The following NLGN1 variants were observed in gnomAD, a reference collection of about 807,000 sequenced individuals.
NLGN1 encodes the protein neuroligin-1.
In NLGN1, 12 loss-of-function variants were observed where a neutral mutation model predicts 65.5. That is an observed-to-expected ratio of 0.18 (90% confidence interval 0.12 to 0.30). The LOEUF is 0.30. Ranked by LOEUF, NLGN1 falls within the 10% of genes least tolerant of loss-of-function variation. The pLI is 1.00. For synonymous variants in NLGN1, 350 were observed against 359.5 expected, an observed-to-expected ratio of 0.97 and a Z score of 0.30; for missense variants, 750 against 1,007.1, an observed-to-expected ratio of 0.74 and a Z score of 3.46.
chr3:173,991,726 A>G (rs769594388), intron 4 of NLGN1, among the ~76,000 whole-genome samples: 3 of 152,222 alleles, frequency 2.0e-5, no homozygotes, highest in Non-Finnish European at 4.4e-5. Context: ...TTCTCAGAAT[A>G]TGGAGATGCT....
chr3:174,268,896 C>T (rs985928722), intron 4 of NLGN1, among the ~76,000 whole-genome samples: 16 of 151,084 alleles, frequency 1.1e-4, no homozygotes, highest in African/African-American at 3.9e-4. Context: ...TTCACCAAAA[C>T]ATAAAATTTT....
At chr3:173,602,316 A>G (rs572408723) in intron 2 of NLGN1, among the ~76,000 whole-genome samples, 1 of 152,178 alleles carries the variant, frequency 6.6e-6, no homozygotes, top group African/African-American at 2.4e-5. Flanking sequence ...AATAAGCCAC[A>G]TTTTTACATT....
At chr3:174,093,823 C>A (rs1744963788) in intron 4 of NLGN1, among the ~76,000 whole-genome samples, 1 of 152,142 alleles carries the variant, frequency 6.6e-6, no homozygotes, top group African/African-American at 2.4e-5. Flanking sequence ...AAGATTGAGC[C>A]TCTTTGCTCC....
intron 4 of NLGN1, among the ~76,000 whole-genome samples, chr3:173,940,507 A>C (rs1223352033): frequency 3.9e-5 from 6 of 152,132 alleles, no homozygotes; most frequent in Non-Finnish European, 8.8e-5. Flanking sequence ...TTTTCTTTCA[A>C]AGCCTTTAAT....
At chr3:174,286,714 G>C (rs1203017856), downstream of NLGN1, 1 of 151,522 alleles carries the variant, frequency 6.6e-6, no homozygotes, top group East Asian at 1.9e-4. Context: ...AGGTTACTAA[G>C]ATAAGTGTTT....
chr3:173,990,304 CA>C (rs1049470254), intron 4 of NLGN1, among the ~76,000 whole-genome samples: 5 of 152,112 alleles, frequency 3.3e-5, no homozygotes, highest in African/African-American at 1.2e-4. Context: ...CTTTCTCAAT[CA>C]AAAAGTTCTC....
chr3:173,878,696 A>G (rs901045407), intron 4 of NLGN1, among the ~76,000 whole-genome samples: 7 of 150,846 alleles, frequency 4.6e-5, no homozygotes, highest in African/African-American at 1.7e-4. Flanking sequence ...GTATATATAT[A>G]CACATACATA....
At chr3:173,397,063 G>C (rs1246554442), upstream of NLGN1, among the ~76,000 whole-genome samples, 3 of 152,016 alleles carry the variant, frequency 2.0e-5, no homozygotes, top group African/African-American at 4.8e-5. Context: ...GAAAATAAAA[G>C]CAATAAAAAA....
In NLGN1 at chr3:174,256,792, C is replaced by A. The variant is rs553190043; in HGVS notation, c.647-18523C>A. Among the ~76,000 whole-genome samples, 12 of 151,904 alleles carry A rather than the reference C, an allele frequency of 7.9e-5. No individual in the cohort carries two copies. In the South Asian group the frequency reaches 2.3e-3, roughly 29 times the overall value. ...GGATTAAAGACTTAAATGTAAAACC[C>A]AAAACTGTAGAAACCCTAGAAGAAA... On this transcript the variant is annotated intron_variant, in intron 4 of 6. Coordinates refer to ENST00000457714, the Ensembl canonical transcript of NLGN1.
intron 4 of NLGN1, among the ~76,000 whole-genome samples, chr3:174,261,338 G>C (rs1440866675): frequency 2.1e-5 from 3 of 144,846 alleles, no homozygotes; most frequent in African/African-American, 5.1e-5. Context: ...TCTTCCATTT[G>C]TTTGTATCCT....
chr3:173,750,590 C>T (rs1050849449), intron 3 of NLGN1, among the ~76,000 whole-genome samples: 1 of 152,028 alleles, frequency 6.6e-6, no homozygotes, highest in Non-Finnish European at 1.5e-5. Flanking sequence ...GGATATGTAT[C>T]AAAATAATTT....
intron 4 of NLGN1, among the ~76,000 whole-genome samples, chr3:174,075,636 A>G (rs1167556710): frequency 6.6e-6 from 1 of 152,138 alleles, no homozygotes; most frequent in African/African-American, 2.4e-5. Context: ...TCAGTTTTTA[A>G]CAGTAAGACT....
At chr3:173,458,899 T>G (rs1478195760) in intron 2 of NLGN1, among the ~76,000 whole-genome samples, 1 of 152,080 alleles carries the variant, frequency 6.6e-6, no homozygotes, top group Admixed American at 6.6e-5. Flanking sequence ...TGTTTATTTT[T>G]CACTATTTCA....
chr3:173,730,170 T>C (rs1772535463), intron 3 of NLGN1, among the ~76,000 whole-genome samples: 1 of 151,288 alleles, frequency 6.6e-6, no homozygotes, highest in South Asian at 2.1e-4. Flanking sequence ...TGATTATATA[T>C]AAATTTATCA....
intron 4 of NLGN1, among the ~76,000 whole-genome samples, chr3:174,077,513 A>G (rs1170878013): frequency 6.6e-6 from 1 of 152,038 alleles, no homozygotes; most frequent in Non-Finnish European, 1.5e-5. Flanking sequence ...GAGGAAATAT[A>G]TATATTTAGA....
chr3:173,407,771 A>C (rs1309181069), intron 1 of NLGN1, among the ~76,000 whole-genome samples: 2 of 152,212 alleles, frequency 1.3e-5, no homozygotes, highest in African/African-American at 4.8e-5. Flanking sequence ...GAGAAATATC[A>C]TTGTAGAAAG....
chr3:173,714,680 T>G (rs536732002), intron 3 of NLGN1, among the ~76,000 whole-genome samples: 1 of 152,204 alleles, frequency 6.6e-6, no homozygotes, highest in East Asian at 1.9e-4. Flanking sequence ...AGAATGAGAT[T>G]TAACTTGAAA....
chr3:173,865,038 T>C (rs1200871341), intron 4 of NLGN1, among the ~76,000 whole-genome samples: 2 of 152,214 alleles, frequency 1.3e-5, no homozygotes, highest in Non-Finnish European at 2.9e-5. Flanking sequence ...ATATTTCTGA[T>C]TGGACTGTCA....
At chr3:174,276,434 A>G (rs1750597421) in intron 5 of NLGN1, among the ~76,000 whole-genome samples, 1 of 151,780 alleles carries the variant, frequency 6.6e-6, no homozygotes, top group Non-Finnish European at 1.5e-5. Flanking sequence ...TGATAGGAAG[A>G]CAGATAATAT....
Sources: gnomAD v4.1 joint callset for allele counts (sites outside exome capture counted in the v4.1 genomes callset) on GRCh38, gnomAD v4.1.1 for gene constraint, MANE v1.5 for transcripts, NCBI Gene and HGNC (gene_info 2026-07-23, HGNC 2026-07-21) for gene names.